PALM2AKAP2: variants seen among roughly 807,000 people sequenced by gnomAD.
PALM2AKAP2 encodes the protein PALM2 and AKAP2 fusion.
In PALM2AKAP2, 37 loss-of-function variants were observed where a neutral mutation model predicts 71.5. The observed-to-expected ratio is 0.52, with a 90% CI of 0.40 to 0.68. The LOEUF is 0.68. Ranked by LOEUF, PALM2AKAP2 falls within the 30% of genes least tolerant of loss-of-function variation. The pLI is 0.00. For missense variants in PALM2AKAP2, 1,224 were observed against 1,191.8 expected (o/e 1.03, Z -0.40); for synonymous variants, 468 against 478.8 (o/e 0.98, Z 0.29).
At chr9:109,935,925 T>A (rs1439568220) in intron 6 of PALM2AKAP2, among the ~76,000 whole-genome samples, 1 of 152,216 alleles carries the variant, frequency 6.6e-6, no homozygotes, top group African/African-American at 2.4e-5. Context: ...AAAACTCTCC[T>A]TCTTGACCAA....
chr9:110,138,684 A>G lies in PALM2AKAP2; in HGVS notation c.2569+145A>G, dbSNP rs1160252024. ...CACTGGCATGAGAATTCCAGCATAC[A>G]GGGACATGCAACAAAAGTGTCAAGA... On this transcript the variant is annotated intron_variant, in intron 2 of 3. Transcript: ENST00000374525. 2.8e-6 allele frequency: 4 copies of G among 1,427,074 alleles called. No homozygotes were observed. The African/African-American group carries it at 5.7e-5, about 21-fold the overall frequency. The allele number at this position is 1,427,074 out of a possible 1,614,324, so 88.4% of individuals were successfully genotyped here.
intron 2 of PALM2AKAP2, among the ~76,000 whole-genome samples, chr9:110,147,937 A>G (rs1403862016): frequency 6.6e-6 from 1 of 152,132 alleles, no homozygotes; most frequent in Non-Finnish European, 1.5e-5. Context: ...TTTCTCTTAG[A>G]AACTTGAGGT....
At chr9:109,769,317 T>C (rs1829218210) in intron 1 of PALM2AKAP2, among the ~76,000 whole-genome samples, 1 of 152,196 alleles carries the variant, frequency 6.6e-6, no homozygotes, top group African/African-American at 2.4e-5. Flanking sequence ...GTTTAGGGTT[T>C]TATTGGCTCA....
At chr9:110,091,297 C>T (rs962824542) in intron 1 of PALM2AKAP2, among the ~76,000 whole-genome samples, 1 of 151,754 alleles carries the variant, frequency 6.6e-6, no homozygotes, top group African/African-American at 2.4e-5. Context: ...TTTAAAAAAC[C>T]CTCTTAACTA....
At chr9:109,955,984 T>C (rs1831739670) in intron 6 of PALM2AKAP2, among the ~76,000 whole-genome samples, 1 of 151,554 alleles carries the variant, frequency 6.6e-6, no homozygotes, top group African/African-American at 2.4e-5. Flanking sequence ...TATGATTTAG[T>C]GTTTGTTTGT....
Position 109,919,436 on chromosome 9 carries a change from A to G in PALM2AKAP2, c.258-4299A>G, listed in dbSNP as rs193186957. On this transcript the variant is annotated intron_variant, in intron 3 of 9. Transcript: ENST00000302798. Reference sequence around the variant, plus strand: ...TTGAAAATTGTTTTTTAAAAATGAAATCACCTTTAATTCCATTACTCAGAG... The same window carrying G: ...TTGAAAATTGTTTTTTAAAAATGAAGTCACCTTTAATTCCATTACTCAGAG... Among the ~76,000 whole-genome samples, 541 of 152,298 alleles carry G rather than the reference A, an allele frequency of 3.6e-3. 7 individuals are homozygous for G. Among genetic ancestry groups the G allele is most frequent in the Non-Finnish European group, 3.1e-3 (209 of 68,028 alleles).
chr9:109,746,098 T>A (rs1453727850), intron 1 of PALM2AKAP2, among the ~76,000 whole-genome samples: 2 of 152,220 alleles, frequency 1.3e-5, no homozygotes, highest in Non-Finnish European at 2.9e-5. Context: ...TTCAGACTGC[T>A]TAACGACTTG....
At chr9:109,728,850 A>G (rs1016357864) in intron 1 of PALM2AKAP2, among the ~76,000 whole-genome samples, 1 of 152,178 alleles carries the variant, frequency 6.6e-6, no homozygotes, top group African/African-American at 2.4e-5. Flanking sequence ...CAGGAACCTA[A>G]GCCCTGAATT....
rs150570425 is a variant in PALM2AKAP2, at chr9:109,975,657, C to T, written c.497-40297C>T. ...ATGGACACTACTGGGCTTTGAGTGT[C>T]GACTTGCTTTAAAAATAGTCTTGGA... On this transcript the variant is annotated intron_variant, in intron 6 of 9. Transcript: ENST00000302798. 3.3e-3 allele frequency among the ~76,000 whole-genome samples: 510 copies of T among 152,280 alleles called. 3 individuals carry two copies. The highest frequency in any genetic ancestry group is 7.9e-3 in the South Asian group (38 of 4,828).
intron 1 of PALM2AKAP2, among the ~76,000 whole-genome samples, chr9:109,791,850 T>C (rs886899415): frequency 6.6e-6 from 1 of 152,170 alleles, no homozygotes; most frequent in Non-Finnish European, 1.5e-5. Context: ...AGGAAGTCTG[T>C]TGATGTTTAA....
chr9:109,662,570 A>G lies in PALM2AKAP2; in HGVS notation c.5+21704A>G, dbSNP rs1827415422. On this transcript the variant is annotated intron_variant, in intron 1 of 6. Coordinates refer to the PALM2AKAP2 transcript ENST00000374531. ...GATGTGCTGCTGGATTTGGTTTGCCAGTATTTTATTGAGGATTTTTGCATC... is the reference window on the plus strand; with the variant it reads ...GATGTGCTGCTGGATTTGGTTTGCCGGTATTTTATTGAGGATTTTTGCATC... Among the ~76,000 whole-genome samples the G allele has an allele frequency of 2.6e-5, 4 of 152,318 alleles. No individual in the cohort carries two copies. In the South Asian group the frequency reaches 8.3e-4, roughly 32 times the overall value.
At chr9:109,780,893 G>A (rs1237202233) in intron 1 of PALM2AKAP2, among the ~76,000 whole-genome samples, 1 of 152,182 alleles carries the variant, frequency 6.6e-6, no homozygotes, top group Non-Finnish European at 1.5e-5. Flanking sequence ...CCAAGAGAAG[G>A]GTGACCTGAA....
intron 1 of PALM2AKAP2, among the ~76,000 whole-genome samples, chr9:109,795,943 A>G (rs1479038936): frequency 6.6e-6 from 1 of 152,244 alleles, no homozygotes. Flanking sequence ...TCAGGGAACA[A>G]AAAGAGAGGG....
intron 7 of PALM2AKAP2, among the ~76,000 whole-genome samples, chr9:110,035,549 T>C (rs979797069): frequency 6.9e-6 from 1 of 145,486 alleles, no homozygotes; most frequent in African/African-American, 2.5e-5. Context: ...TGTTGTGTGT[T>C]ATATATAACA....
upstream of PALM2AKAP2, among the ~76,000 whole-genome samples, chr9:109,780,088 C>T (rs1475693588): frequency 1.3e-5 from 2 of 151,282 alleles, no homozygotes; most frequent in East Asian, 1.9e-4. Flanking sequence ...CTCGGAGCCG[C>T]CTTGGACCGC....
chr9:109,937,327 T>C (rs1831246214), intron 6 of PALM2AKAP2, among the ~76,000 whole-genome samples: 2 of 152,186 alleles, frequency 1.3e-5, no homozygotes, highest in Admixed American at 6.5e-5. Flanking sequence ...ACTGGAATTC[T>C]CAACCTCAAC....
chr9:109,742,251 T>TCACA (rs72323941), intron 1 of PALM2AKAP2, among the ~76,000 whole-genome samples: 221 of 145,488 alleles, frequency 1.5e-3, no homozygotes, highest in Middle Eastern at 7.0e-3. Flanking sequence ...TGTGATGTAT[T>TCACA]CACACACACA....
intron 3 of PALM2AKAP2, among the ~76,000 whole-genome samples, chr9:109,900,285 TG>T (rs1186006697): frequency 4.6e-5 from 7 of 152,358 alleles, no homozygotes; most frequent in Admixed American, 1.3e-4. Flanking sequence ...TAACAATTCT[TG>T]CTCTAAATTG....
At chr9:109,744,203 C>A (rs1476770689) in intron 1 of PALM2AKAP2, among the ~76,000 whole-genome samples, 1 of 152,094 alleles carries the variant, frequency 6.6e-6, no homozygotes, top group Admixed American at 6.6e-5. Flanking sequence ...AAAAAGCTAT[C>A]CATGTGATAG....
Sources: allele counts gnomAD v4.1 joint callset (sites outside exome capture counted in the v4.1 genomes callset), GRCh38; gene constraint gnomAD v4.1.1; transcripts MANE v1.5; gene names NCBI Gene and HGNC (gene_info 2026-07-23, HGNC 2026-07-21).